Variants in CFAP299 observed in about 807,000 individuals in gnomAD.
CFAP299 encodes the protein cilia- and flagella-associated protein 299.
A neutral mutation model predicts 27.0 loss-of-function variants in CFAP299; 21 were observed. The ratio of observed to expected loss-of-function variants is 0.78; its 90% CI spans 0.55 to 1.12. CFAP299 has a LOEUF of 1.12. CFAP299 is among the 50% of genes most tolerant of loss of function. The pLI is 0.00. For missense variants in CFAP299, 310 were observed against 276.6 expected (o/e 1.12, Z -0.86); for synonymous variants, 104 against 98.1 (o/e 1.06, Z -0.36).
intron 3 of CFAP299, among the ~76,000 whole-genome samples, chr4:80,680,956 G>C (rs1719798627): frequency 6.6e-6 from 1 of 152,128 alleles, no homozygotes; most frequent in Non-Finnish European, 1.5e-5. Context: ...ATGTTTTCAA[G>C]TCTCCTCTCT....
chr4:80,651,708 G>GTGTGTA (rs1176420779), intron 3 of CFAP299, among the ~76,000 whole-genome samples: 1 of 146,412 alleles, frequency 6.8e-6, no homozygotes, highest in African/African-American at 2.6e-5. Flanking sequence ...ATGCACTTGT[G>GTGTGTA]TGTGTGTGTG....
At chr4:80,957,501 G>A (rs963510667) in intron 5 of CFAP299, among the ~76,000 whole-genome samples, 1 of 152,112 alleles carries the variant, frequency 6.6e-6, no homozygotes, top group Non-Finnish European at 1.5e-5. Flanking sequence ...TGAGGGACCA[G>A]TAAGGTATTA....
chr4:80,668,803 C>T (rs1741282333), intron 3 of CFAP299, among the ~76,000 whole-genome samples: 2 of 152,096 alleles, frequency 1.3e-5, no homozygotes, highest in African/African-American at 4.8e-5. Flanking sequence ...TACTCGAAGT[C>T]TTCTGGGGTT....
intron 3 of CFAP299, among the ~76,000 whole-genome samples, chr4:80,808,991 G>T (rs1729005377): frequency 6.6e-6 from 1 of 152,082 alleles, no homozygotes; most frequent in African/African-American, 2.4e-5. Flanking sequence ...CTTAAGTAGG[G>T]AGAAACCAAT....
chr4:80,321,910 C>A, the CFAP299 span, among the ~76,000 whole-genome samples: 1 of 152,118 alleles, frequency 6.6e-6, no homozygotes, highest in African/African-American at 2.4e-5. Context: ...GGAGAAAAAG[C>A]AGCTGTCTCA....
chr4:80,416,971 G>T (rs1727045404), intron 2 of CFAP299, among the ~76,000 whole-genome samples: 1 of 152,204 alleles, frequency 6.6e-6, no homozygotes, highest in South Asian at 2.1e-4. Context: ...AGAAAGTAAA[G>T]GAACAAGGAA....
intron 4 of CFAP299, among the ~76,000 whole-genome samples, chr4:80,920,924 G>C (rs769713262): frequency 6.6e-6 from 1 of 152,100 alleles, no homozygotes; most frequent in East Asian, 1.9e-4. Flanking sequence ...CACAGTACTT[G>C]TGAAAAGCAC....
intron 3 of CFAP299, among the ~76,000 whole-genome samples, chr4:80,833,806 G>T (rs73829159): frequency 0.042 from 6,387 of 152,200 alleles, 468 homozygotes; most frequent in African/African-American, 0.14. Context: ...GTGAAATGGT[G>T]GTGGATCTCT....
At chr4:80,400,207 T>C (rs1485935648) in intron 2 of CFAP299, among the ~76,000 whole-genome samples, 3 of 152,180 alleles carry the variant, frequency 2.0e-5, no homozygotes, top group South Asian at 2.1e-4. Flanking sequence ...GTATATGATA[T>C]AATAGTAGTA....
At chr4:80,866,190 A>C (rs983286005) in intron 3 of CFAP299, among the ~76,000 whole-genome samples, 5 of 149,132 alleles carry the variant, frequency 3.4e-5, no homozygotes, top group Non-Finnish European at 5.9e-5. Context: ...GGTTTGTGTG[A>C]GAACAGCCAC....
intron 2 of CFAP299, among the ~76,000 whole-genome samples, chr4:80,365,917 A>C (rs1449540637): frequency 6.6e-6 from 1 of 152,206 alleles, no homozygotes; most frequent in Non-Finnish European, 1.5e-5. Flanking sequence ...TCAGAGCTGG[A>C]AGTCATCAGG....
intron 2 of CFAP299, among the ~76,000 whole-genome samples, chr4:80,379,272 G>A (rs972120486): frequency 1.3e-5 from 2 of 151,882 alleles, no homozygotes; most frequent in Non-Finnish European, 2.9e-5. Context: ...AAAGTGTAGG[G>A]ATATTCATTT....
rs538877387 is a variant in CFAP299 at position 80,793,754 on chromosome 4, T to C, written c.334-76239T>C. 8.5e-5 allele frequency among the ~76,000 whole-genome samples: 13 copies of C among 152,262 alleles called. No individual in the cohort carries two copies. The East Asian group carries it at 2.5e-3, about 29-fold the overall frequency. ...TGGGAAAAGGGAAATAAAATGAAGA[T>C]ATTTTCTTAGTACAAGTGTATACAT... On this transcript the variant is annotated intron_variant, in intron 3 of 5. Coordinates refer to ENST00000358105, the MANE Select transcript of CFAP299 (RefSeq NM_152770.3).
intron 3 of CFAP299, among the ~76,000 whole-genome samples, chr4:80,683,036 C>T (rs9307743): frequency 0.71 from 108,023 of 152,020 alleles, 41,579 homozygotes; most frequent in Non-Finnish European, 0.85. Flanking sequence ...CTCATTAATC[C>T]CATTTTTCTT....
rs1277649540 is a variant in CFAP299, at chr4:80,376,041, T to A, written c.242+13157T>A. 2.6e-5 allele frequency among the ~76,000 whole-genome samples: 4 copies of A among 152,226 alleles called. 1 individual carries two copies. The South Asian group carries it at 6.2e-4, about 24-fold the overall frequency. On this transcript the variant is annotated intron_variant, in intron 2 of 5. Coordinates refer to ENST00000358105, the MANE Select transcript of CFAP299 (RefSeq NM_152770.3). The stretch of plus-strand genomic sequence containing the variant: ...AGTGTCAGTCTCACCACAATCAGGG[T>A]AACATTTTCATTACCGCAAAAAGTT...
At chr4:80,401,195 T>A (rs1005605274) in intron 2 of CFAP299, among the ~76,000 whole-genome samples, 1 of 152,162 alleles carries the variant, frequency 6.6e-6, no homozygotes, top group Non-Finnish European at 1.5e-5. Context: ...GAAAAGCCCA[T>A]TTTCTGGGGA....
At position 80,362,175 on chromosome 4, in the gene CFAP299, T is replaced by C. The variant is rs1287248143; in HGVS notation, c.112-579T>C. On this transcript the variant is annotated intron_variant, in intron 1 of 5. Coordinates refer to ENST00000358105, the MANE Select transcript of CFAP299 (RefSeq NM_152770.3). The stretch of plus-strand genomic sequence containing the variant: ...GGTGATCTGGGTTTCTACTTTTCTG[T>C]TTTTATTGGTACCAACATTATATGG... Among the ~76,000 whole-genome samples, 4 of 152,014 alleles carry C rather than the reference T, an allele frequency of 2.6e-5. No homozygotes were observed. In the East Asian group the frequency reaches 7.7e-4, roughly 29 times the overall value.
intron 4 of CFAP299, among the ~76,000 whole-genome samples, chr4:80,918,244 A>C (rs1216543486): frequency 2.6e-5 from 4 of 152,180 alleles, no homozygotes; most frequent in African/African-American, 9.6e-5. Context: ...CATTTTGCTT[A>C]TATCTCTTTT....
chr4:80,373,502 G>A (rs753050816), intron 2 of CFAP299, among the ~76,000 whole-genome samples: 20 of 152,102 alleles, frequency 1.3e-4, no homozygotes, highest in Non-Finnish European at 2.4e-4. Flanking sequence ...AGTGCATCGT[G>A]CTTTTTTACT....
Sources: allele counts gnomAD v4.1 joint callset (sites outside exome capture counted in the v4.1 genomes callset), GRCh38; gene constraint gnomAD v4.1.1; transcripts MANE v1.5; gene names NCBI Gene and HGNC (gene_info 2026-07-23, HGNC 2026-07-21).